Variants in RESP18 observed in about 807,000 individuals in gnomAD.
RESP18 encodes the protein regulated endocrine-specific protein 18.
Under a neutral mutation model 30.0 loss-of-function variants are expected in RESP18, and 30 were observed. The ratio of observed to expected loss-of-function variants is 1.00; its 90% CI spans 0.75 to 1.36. RESP18 has a LOEUF of 1.36. RESP18 is among the 40% of genes most tolerant of loss of function. RESP18 has a pLI of 0.00. For synonymous variants in RESP18, 117 were observed against 111.2 expected (o/e 1.05, Z -0.33); for missense variants, 320 against 284.2 (o/e 1.13, Z -0.91).
chr2:219,332,749 C>G lies in RESP18; in HGVS notation c.18-11G>C, dbSNP rs1952845972. On this transcript the variant is annotated splice_polypyrimidine_tract_variant and intron_variant, in intron 1 of 6. Coordinates refer to ENST00000333527, the MANE Select transcript of RESP18 (RefSeq NM_001007089.4). ...CCCGCGACTCCGAATCTGTTTAACC[C>G]TCCTCGGCAGTTCAGCCAATCGTGA... 1 of 1,527,088 alleles carries G rather than the reference C, an allele frequency of 6.5e-7. No individual in the cohort carries two copies. Among genetic ancestry groups the G allele is most frequent in the South Asian group, 1.2e-5 (1 of 81,976 alleles). 94.6% of individuals were successfully genotyped at this position (1,527,088 alleles called of 1,614,324 possible). A position where few individuals can be genotyped will look rare whatever the true frequency, so the allele number is the denominator to read the frequency against.
chr2:219,329,662 G>A lies in RESP18; in HGVS notation c.440C>T (p.Ala147Val). Residue 147 changes from alanine to valine, a missense_variant, in exon 4 of 7, where the codon GCA becomes GTA. Transcript: ENST00000333527. The stretch of plus-strand genomic sequence containing the variant: ...CTCAGTGGTTTTAGTGGGGAAAAGT[G>A]CCTTCCCATCCTTCAGGCATGGTTC... 6.4e-7 allele frequency: 1 copy of A among 1,551,596 alleles called. No individual in the cohort carries two copies.
intron 4 of RESP18, 89 bp downstream of exon 3, chr2:219,329,548 C>A: frequency 6.5e-7 from 1 of 1,540,948 alleles, no homozygotes; most frequent in Non-Finnish European, 8.8e-7. Context: ...CTCCTGGCAA[C>A]TTCTACCTGC....
At chr2:219,329,809 CG>C (rs149517641) in intron 3 of RESP18, 45 bp from the exon 3 acceptor site, 185,716 of 1,534,184 alleles carry the variant, frequency 0.12, 12,720 homozygotes, top group Middle Eastern at 0.22. Context: ...CTGAGACACT[CG>C]GATCCACTCC....
chr2:219,332,838 C>T (rs6715465), intron 1 of RESP18, 94 bp from the exon 1 acceptor site: 3 of 974,604 alleles, frequency 3.1e-6, no homozygotes, highest in Non-Finnish European at 4.5e-6. Flanking sequence ...ACCCTCATCT[C>T]TTGGAATTCC....
At position 219,329,253 on chromosome 2, in the gene RESP18, CTG is replaced by C. The variant is rs752005283; in HGVS notation, c.466-3_466-2del. 4 of 1,551,662 alleles carry C rather than the reference CTG, an allele frequency of 2.6e-6. No homozygotes were observed. The South Asian group carries it at 4.8e-5, about 18-fold the overall frequency. On this transcript the variant is annotated splice_acceptor_variant and splice_polypyrimidine_tract_variant and intron_variant, in intron 4 of 6. Transcript: ENST00000333527. LOFTEE classifies it high-confidence loss of function. The stretch of plus-strand genomic sequence containing the variant: ...CCCTGTTCACCTTGGCCAGGGGGCT[CTG>C]TGAGGAGGGAAACCAGGAGTCAAGG...
At chr2:219,333,139 A>G in intron 1 of RESP18, 3 of 1,474,172 alleles carry the variant, frequency 2.0e-6, no homozygotes, top group Non-Finnish European at 2.8e-6. Context: ...TATATTATAT[A>G]TGGCACATCC....
chr2:219,329,423 G>A, intron 4 of RESP18, 171 bp from the exon 4 acceptor site: 3 of 1,551,252 alleles, frequency 1.9e-6, no homozygotes, highest in South Asian at 2.4e-5. Flanking sequence ...GACAGGGAAT[G>A]ACAAATTGGA....
chr2:219,330,535 GT>G (rs372888836), intron 3 of RESP18, among the ~76,000 whole-genome samples: 36 of 131,050 alleles, frequency 2.7e-4, no homozygotes, highest in African/African-American at 7.8e-4. Flanking sequence ...TTTCAGTTTT[GT>G]TTTTTTTTTT....
chr2:219,329,525 A>ATT, intron 4 of RESP18, 112 bp downstream of exon 3: 4 of 1,538,948 alleles, frequency 2.6e-6, no homozygotes, highest in Non-Finnish European at 3.5e-6. Context: ...AGGACCTCTG[A>ATT]ATTCTCACAG....
At chr2:219,328,646 A>G (rs900097153) in intron 6 of RESP18, among the ~76,000 whole-genome samples, 2 of 152,154 alleles carry the variant, frequency 1.3e-5, no homozygotes, top group Non-Finnish European at 2.9e-5. Flanking sequence ...TTTCTCATCT[A>G]TAAAGATGGA....
At chr2:219,328,896 C>A in intron 6 of RESP18, 28 bp downstream of exon 5, 1 of 1,446,224 alleles carries the variant, frequency 6.9e-7, no homozygotes, top group South Asian at 1.2e-5. Flanking sequence ...TCTGCTGTTT[C>A]AATGCCTATT....
intron 4 of RESP18, 106 bp downstream of exon 3, chr2:219,329,531 C>T: frequency 5.7e-6 from 8 of 1,411,444 alleles, no homozygotes; most frequent in Non-Finnish European, 7.7e-6. Flanking sequence ...TCTGAATTCT[C>T]ACAGTGCTCC....
In RESP18 at chr2:219,328,905, T is replaced by G. The variant is rs1217285112; in HGVS notation, c.640+19A>C. On this transcript the variant is annotated intron_variant, in intron 6 of 6. Coordinates refer to ENST00000333527, the MANE Select transcript of RESP18 (RefSeq NM_001007089.4). The stretch of plus-strand genomic sequence containing the variant: ...GAAAACTCTGCTGTTTCAATGCCTA[T>G]TTTAAACTCAATACTTACGCATGAT... The G allele has an allele frequency of 2.0e-6, 3 of 1,518,274 alleles. No homozygotes were observed. The highest frequency in any genetic ancestry group is 2.7e-6 in the Non-Finnish European group (3 of 1,117,696). 94.1% of individuals were successfully genotyped at this position (1,518,274 alleles called of 1,614,324 possible).
intron 2 of RESP18, 125 bp from the exon 2 acceptor site, chr2:219,331,000 G>A (rs748755117): frequency 1.3e-5 from 8 of 630,782 alleles, no homozygotes; most frequent in South Asian, 1.1e-4. Context: ...CTACCAGGCC[G>A]CTTTGTCCAC....
intron 6 of RESP18, among the ~76,000 whole-genome samples, chr2:219,328,128 C>A (rs1407786573): frequency 6.6e-6 from 1 of 152,256 alleles, no homozygotes; most frequent in Non-Finnish European, 1.5e-5. Context: ...ACAGTTCATT[C>A]CCCAACATCA....
chr2:219,329,272 G>A lies in RESP18; in HGVS notation c.466-20C>T, dbSNP rs1255707412. On this transcript the variant is annotated intron_variant, in intron 4 of 6. Transcript: ENST00000333527. ...GGGGCTCTGTGAGGAGGGAAACCAG[G>A]AGTCAAGGAGGAGGCAGAAAAGGGT... 7 of 1,551,538 alleles carry A rather than the reference G, an allele frequency of 4.5e-6. No homozygotes were observed. Among genetic ancestry groups the A allele is most frequent in the Non-Finnish European group, 6.1e-6 (7 of 1,146,938 alleles).
chr2:219,332,383 G>A, intron 2 of RESP18, 141 bp downstream of exon 1: 1 of 653,128 alleles, frequency 1.5e-6, no homozygotes, highest in Non-Finnish European at 2.6e-6. Flanking sequence ...TCCGCTAGAC[G>A]CTGTCTACCT....
At chr2:219,329,325 G>C (rs1399411156) in intron 4 of RESP18, 73 bp from the exon 4 acceptor site, 4 of 1,551,756 alleles carry the variant, frequency 2.6e-6, no homozygotes, top group Non-Finnish European at 3.5e-6. Context: ...AAAGCAATTG[G>C]ATACAAAGTC....
intron 1 of RESP18, chr2:219,333,022 T>G: frequency 1.2e-6 from 1 of 825,770 alleles, no homozygotes; most frequent in Non-Finnish European, 1.8e-6. Flanking sequence ...TCAAGGAATT[T>G]AGTTTATTTT....
Sources: allele counts gnomAD v4.1 joint callset (sites outside exome capture counted in the v4.1 genomes callset), GRCh38; gene constraint gnomAD v4.1.1; transcripts MANE v1.5; gene names NCBI Gene and HGNC (gene_info 2026-07-23, HGNC 2026-07-21).